Variants in SYNM observed in about 807,000 individuals in gnomAD.
SYNM encodes the protein synemin, also known as desmuslin.
A neutral mutation model predicts 104.0 loss-of-function variants in SYNM; 95 were observed. The ratio of observed to expected loss-of-function variants is 0.91; its 90% CI spans 0.77 to 1.08. The LOEUF (loss-of-function observed/expected upper bound fraction) is 1.08. Among genes scored for constraint, SYNM ranks in the 50% least tolerant of loss-of-function variants. SYNM has a pLI of 0.00. For missense variants in SYNM, 2,150 were observed against 2,052.2 expected (o/e 1.05, Z -0.92); for synonymous variants, 918 against 869.0 (o/e 1.06, Z -0.99).
At chr15:99,110,620 T>C (rs1555483309) in intron 1 of SYNM, among the ~76,000 whole-genome samples, 1 of 152,258 alleles carries the variant, frequency 6.6e-6, no homozygotes, top group Non-Finnish European at 1.5e-5. Context: ...GACAGTGATA[T>C]TTGTGAACTG....
At position 99,130,726 on chromosome 15, in the gene SYNM, GT is replaced by G. The variant is rs2067493747; in HGVS notation, c.2368del (p.Tyr790MetfsTer29). On this transcript the variant is annotated frameshift_variant, in exon 4 of 4. Coordinates refer to ENST00000336292, the MANE Select transcript of SYNM (RefSeq NM_145728.3). LOFTEE classifies it high-confidence loss of function. ...TGGGGGTTGGTTAAGGAGGAGGAAGGTTATGGAGAAAGCGATGTCACATTCT... is the reference window on the plus strand; with the variant it reads ...TGGGGGTTGGTTAAGGAGGAGGAAGGTATGGAGAAAGCGATGTCACATTCT... The part of the protein sequence containing the change: ...GPWGLVKEEE[G>X]YGESDVTFSV... The G allele has an allele frequency of 1.9e-6, 3 of 1,611,118 alleles. No homozygotes were observed. The highest frequency in any genetic ancestry group is 2.5e-6 in the Non-Finnish European group (3 of 1,177,512).
chr15:99,106,125 T>C (rs2067240366), intron 1 of SYNM, 116 bp downstream of exon 1: 1 of 1,152,640 alleles, frequency 8.7e-7, no homozygotes, highest in Non-Finnish European at 1.1e-6. Flanking sequence ...CGCGGACCGG[T>C]AGGGCCCGCC....
At chr15:99,138,207 C>CCCATTTATGAGA, downstream of SYNM, 1 of 1,567,130 alleles carries the variant, frequency 6.4e-7, no homozygotes, top group Non-Finnish European at 8.7e-7. Context: ...TGCTGCCCAG[C>CCCATTTATGAGA]AGGTGCCCAG....
At position 99,113,507 on chromosome 15, in the gene SYNM, A is replaced by G. The variant is rs180822599; in HGVS notation, c.811-84A>G. ...GCTAATAACCCTGGTCTGTTTTTCAATTCGATCCTGAATTGTTGGTACCTT... is the reference window on the plus strand; with the variant it reads ...GCTAATAACCCTGGTCTGTTTTTCAGTTCGATCCTGAATTGTTGGTACCTT... On this transcript the variant is annotated intron_variant, in intron 1 of 3. Coordinates refer to ENST00000336292, the MANE Select transcript of SYNM (RefSeq NM_145728.3). The G allele has an allele frequency of 7.7e-4, 1,199 of 1,563,058 alleles. 20 individuals are homozygous for G. The South Asian group carries it at 0.011, about 15-fold the overall frequency.
At position 99,113,945 on chromosome 15, in the gene SYNM, G is replaced by A. The variant is rs544595156; in HGVS notation, c.935+230G>A. Among the ~76,000 whole-genome samples, 28 of 152,294 alleles carry A rather than the reference G, an allele frequency of 1.8e-4. No homozygotes were observed. The East Asian group carries it at 4.0e-3, about 22-fold the overall frequency. On this transcript the variant is annotated intron_variant, in intron 2 of 3. Transcript: ENST00000336292. ...TCTCCAGCAAGGGAGTAGCTGAGCC[G>A]TGCCCCCTTACCTAGTGTTTGTATG...
chr15:99,113,849 A>T, intron 2 of SYNM, 134 bp downstream of exon 2: 1 of 1,371,586 alleles, frequency 7.3e-7, no homozygotes, highest in Non-Finnish European at 9.7e-7. Flanking sequence ...AGCCCTTGGC[A>T]TGGCCAGGCA....
Position 99,105,199 on chromosome 15 carries a change from G to C in SYNM, c.-1G>C. The C allele has an allele frequency of 6.4e-7, 1 of 1,573,702 alleles. No individual in the cohort carries two copies. The highest frequency in any genetic ancestry group is 2.3e-5 in the East Asian group (1 of 43,042). On this transcript the variant is annotated 5_prime_UTR_variant, in exon 1 of 4. Transcript: ENST00000336292. ...CGCGAGAACCCCGCACGCCCGGCAAGATGCTGTCCTGGCGGCTGCAGACGG... is the reference window on the plus strand; with the variant it reads ...CGCGAGAACCCCGCACGCCCGGCAACATGCTGTCCTGGCGGCTGCAGACGG...
At position 99,105,529 on chromosome 15, in the gene SYNM, C is replaced by A; in HGVS notation, c.330C>A (p.Asp110Glu). Residue 110 changes from aspartate (D) to glutamate (E), a missense_variant, in exon 1 of 4, where the codon GAC becomes GAA. By Grantham distance (45) the Asp-to-Glu change is conservative. Coordinates refer to ENST00000336292, the MANE Select transcript of SYNM (RefSeq NM_145728.3). ...AEERAARGRLDAELGAQQREL... is the reference protein window; with the variant it reads ...AEERAARGRLEAELGAQQREL... ...AGCGCGCCGCCCGCGGCCGCCTGGA[C>A]GCCGAGCTGGGTGCGCAGCAGCGCG... 1 of 1,250,214 alleles carries A rather than the reference C, an allele frequency of 8.0e-7. No individual in the cohort carries two copies. Among genetic ancestry groups the A allele is most frequent in the Non-Finnish European group, 1.0e-6 (1 of 999,632 alleles). 77.4% of individuals were successfully genotyped at this position (1,250,214 alleles called of 1,614,324 possible).
At chr15:99,111,867 A>T (rs1222217060) in intron 1 of SYNM, among the ~76,000 whole-genome samples, 2 of 152,208 alleles carry the variant, frequency 1.3e-5, no homozygotes. Flanking sequence ...CAACGTGGTG[A>T]AACCCCGTCT....
chr15:99,114,029 G>T (rs1480888570), intron 2 of SYNM, among the ~76,000 whole-genome samples: 1 of 135,384 alleles, frequency 7.4e-6, no homozygotes, highest in Non-Finnish European at 1.6e-5. Flanking sequence ...AGGAACTGGA[G>T]ACTGTGTTTA....
rs372490751 is a variant in SYNM at position 99,127,746 on chromosome 15, G to T, written c.1006+954G>T. 3.0e-4 allele frequency among the ~76,000 whole-genome samples: 45 copies of T among 152,326 alleles called. No homozygotes were observed. In the East Asian group the frequency reaches 8.3e-3, roughly 28 times the overall value. On this transcript the variant is annotated intron_variant, in intron 3 of 3. Coordinates refer to ENST00000336292, the MANE Select transcript of SYNM (RefSeq NM_145728.3). ...GTCAACCTGCCTGGCATCAGTTAAC[G>T]TGTGACATCTATAAAACAAGAATTA...
intron 1 of SYNM, among the ~76,000 whole-genome samples, chr15:99,109,074 C>T (rs2067276234): frequency 6.6e-6 from 1 of 152,222 alleles, no homozygotes; most frequent in African/African-American, 2.4e-5. Flanking sequence ...CCAGCTCTCC[C>T]TGCCTCTGGC....
In SYNM at chr15:99,130,251, G is replaced by C; in HGVS notation, c.1891G>C (p.Gly631Arg). The C allele has an allele frequency of 6.2e-7, 1 of 1,614,000 alleles. No homozygotes were observed. Among genetic ancestry groups the C allele is most frequent in the Non-Finnish European group, 8.5e-7 (1 of 1,179,896 alleles). Residue 631 changes from glycine (G) to arginine (R), a missense_variant, in exon 4 of 4, where the codon GGC (glycine) becomes CGC (arginine). Coordinates refer to ENST00000336292, the MANE Select transcript of SYNM (RefSeq NM_145728.3). Reference protein sequence around the residue: ...GTSDATGSLQGDSMTETVAEN... With the variant: ...GTSDATGSLQRDSMTETVAEN... ...CAGTGATGCCACTGGTTCTCTGCAA[G>C]GCGATTCCATGACAGAAACCGTAGC...
At chr15:99,138,142 A>C (rs782193490), downstream of SYNM, 5 of 1,611,768 alleles carry the variant, frequency 3.1e-6, no homozygotes. Context: ...AGACAAGCAG[A>C]GGGTGGGGTG....
In SYNM at chr15:99,105,989, A is replaced by G. The variant is rs1201744453; in HGVS notation, c.790A>G (p.Ile264Val). The G allele has an allele frequency of 2.0e-6, 3 of 1,489,648 alleles. No individual in the cohort carries two copies. The highest frequency in any genetic ancestry group is 2.2e-5 in the Admixed American group (1 of 46,066). 92.3% of individuals were successfully genotyped at this position (1,489,648 alleles called of 1,614,324 possible). ...GCTGCGGATGCGCGAGGAGTACGGG[A>G]TACAGGCCGAGGAGCGGCAGGTCCG... ...ALLRMREEYG[I>V]QAEERQRVID... is the part of the protein sequence containing the mutation. The change falls in exon 1 of 4, where the codon ATA (isoleucine) becomes GTA (valine). Residue 264 changes from isoleucine to valine, a missense_variant. Coordinates refer to ENST00000336292, the MANE Select transcript of SYNM (RefSeq NM_145728.3).
chr15:99,139,356 C>T (rs1381146798), downstream of SYNM: 2 of 1,613,872 alleles, frequency 1.2e-6, no homozygotes, highest in African/African-American at 2.7e-5. Flanking sequence ...GGCCAGAGTC[C>T]TTTTGTCCTG....
chr15:99,115,256 C>A (rs1331654823), intron 2 of SYNM, among the ~76,000 whole-genome samples: 1 of 152,090 alleles, frequency 6.6e-6, no homozygotes. Context: ...AAAGTCTGGT[C>A]ATCTCCAGTG....
At chr15:99,137,615 T>G (rs1567294638), downstream of SYNM, 2 of 168,762 alleles carry the variant, frequency 1.2e-5, no homozygotes, top group Non-Finnish European at 2.5e-5. Context: ...AGAAAGGACT[T>G]CCTGAAGTTC....
At position 99,131,573 on chromosome 15, in the gene SYNM, G is replaced by C; in HGVS notation, c.3213G>C (p.Arg1071=). ...AGIRFRRWAT[R]ELYIPSGESE... ...TTCGCTTTAGGCGTTGGGCCACCCGGGAGCTGTACATCCCTTCAGGCGAGA... is the reference window on the plus strand; with the variant it reads ...TTCGCTTTAGGCGTTGGGCCACCCGCGAGCTGTACATCCCTTCAGGCGAGA... The change falls in exon 4 of 4, where the codon CGG becomes CGC. Residue 1071 remains arginine (R), a synonymous_variant. Coordinates refer to ENST00000336292, the MANE Select transcript of SYNM (RefSeq NM_145728.3). The surrounding 1 kb of genome is among the most constrained non-coding windows in gnomAD (Gnocchi z 4.3). The C allele has an allele frequency of 6.2e-7, 1 of 1,609,464 alleles. No homozygotes were observed. Among genetic ancestry groups the C allele is most frequent in the African/African-American group, 1.3e-5 (1 of 75,068 alleles).
Sources: gnomAD v4.1 joint callset for allele counts (sites outside exome capture counted in the v4.1 genomes callset) on GRCh38, gnomAD v4.1.1 for gene constraint, Gnocchi (gnomAD v3.1) non-coding constraint, MANE v1.5 for transcripts, NCBI Gene and HGNC (gene_info 2026-07-23, HGNC 2026-07-21) for gene names.